The following CHAF1B variants were observed in gnomAD, a reference collection of about 807,000 sequenced individuals.
CHAF1B encodes CAF-1 subunit B.
In CHAF1B, 10 loss-of-function variants were observed where a neutral mutation model predicts 60.7. The observed-to-expected ratio is 0.16, with a 90% CI of 0.10 to 0.28. The LOEUF is 0.28. Ranked by LOEUF, CHAF1B falls within the 10% of genes least tolerant of loss-of-function variation. The probability of loss-of-function intolerance (pLI) is 1.00; values close to 1 mark genes in which losing one functional copy is unlikely to be tolerated. For synonymous variants in CHAF1B, 261 were observed against 266.1 expected (o/e 0.98, Z 0.19); for missense variants, 558 against 708.4 (o/e 0.79, Z 2.41).
At chr21:36,387,466 C>T in intron 2 of CHAF1B, 132 bp from the exon 3 acceptor site, 3 of 1,080,746 alleles carry the variant, frequency 2.8e-6, no homozygotes, top group Non-Finnish European at 2.7e-6. Context: ...AGTGATTTAC[C>T]CACCTTGGCC....
chr21:36,402,694 G>A, intron 7 of CHAF1B, 64 bp from the exon 8 acceptor site: 1 of 1,355,868 alleles, frequency 7.4e-7, no homozygotes, highest in Non-Finnish European at 1.0e-6. Context: ...TTGGAAAAAT[G>A]TTTAAGCTTT....
At chr21:36,391,739 C>G in intron 4 of CHAF1B, 71 bp downstream of exon 4, 1 of 956,590 alleles carries the variant, frequency 1.0e-6, no homozygotes, top group South Asian at 1.3e-5. Flanking sequence ...TACCTTTTGA[C>G]TTTTTTTTTC....
chr21:36,407,730 C>A (rs1388103079), intron 8 of CHAF1B, among the ~76,000 whole-genome samples: 1 of 152,116 alleles, frequency 6.6e-6, no homozygotes, highest in Non-Finnish European at 1.5e-5. Flanking sequence ...GTAATCCCAG[C>A]ACTTTGGGAG....
chr21:36,410,156 T>G (rs561729260), intron 10 of CHAF1B, among the ~76,000 whole-genome samples: 3 of 152,166 alleles, frequency 2.0e-5, no homozygotes, highest in African/African-American at 7.2e-5. Context: ...AGAGATGGGA[T>G]TTTGCCATGT....
chr21:36,407,192 C>T (rs170144), intron 8 of CHAF1B, among the ~76,000 whole-genome samples: 79,652 of 151,744 alleles, frequency 0.52, 23,023 homozygotes, highest in Non-Finnish European at 0.64. Flanking sequence ...ATCCCAGCTA[C>T]TCAAGAGCCT....
At chr21:36,399,456 G>A in intron 6 of CHAF1B, 65 bp from the exon 7 acceptor site, 2 of 1,410,134 alleles carry the variant, frequency 1.4e-6, no homozygotes, top group Admixed American at 3.5e-5. Context: ...TTGGTAATAA[G>A]TTGTTTCTGT....
At chr21:36,407,802 A>AC (rs1205925676) in intron 8 of CHAF1B, among the ~76,000 whole-genome samples, 2 of 151,796 alleles carry the variant, frequency 1.3e-5, no homozygotes, top group Non-Finnish European at 2.9e-5. Flanking sequence ...ACATGGTGAA[A>AC]CCCCCTCTCT....
intron 5 of CHAF1B, among the ~76,000 whole-genome samples, chr21:36,396,771 G>T (rs952918459): frequency 1.3e-5 from 2 of 151,860 alleles, no homozygotes; most frequent in Non-Finnish European, 2.9e-5. Flanking sequence ...ATCCCTGTTC[G>T]CATTGTCTGC....
In CHAF1B at chr21:36,394,660, A is replaced by G. The variant is rs1283019651; in HGVS notation, c.481+10A>G. The G allele has an allele frequency of 4.5e-6, 7 of 1,562,908 alleles. No individual in the cohort carries two copies. The highest frequency in any genetic ancestry group is 1.4e-5 in the African/African-American group (1 of 73,100). Reference sequence around the variant, plus strand: ...TGGGATGTCAGCAAAGGTAAATGATATATTTTTGTTATTAGCAGGAAGAAA... The same window carrying G: ...TGGGATGTCAGCAAAGGTAAATGATGTATTTTTGTTATTAGCAGGAAGAAA... On this transcript the variant is annotated intron_variant, in intron 5 of 13. Coordinates refer to ENST00000314103, the MANE Select transcript of CHAF1B (RefSeq NM_005441.3).
In CHAF1B at chr21:36,411,455, A is replaced by T; in HGVS notation, c.920-8A>T. 6.2e-7 allele frequency: 1 copy of T among 1,612,686 alleles called. No homozygotes were observed. Among genetic ancestry groups the T allele is most frequent in the East Asian group, 2.2e-5 (1 of 44,820 alleles). On this transcript the variant is annotated splice_region_variant and splice_polypyrimidine_tract_variant and intron_variant, in intron 10 of 13. Transcript: ENST00000314103. ...TGGTTTTACTTTGTCTCTGTCCCCA[A>T]CCCCCAGGTGTGGAGCTGATGAGTC...
chr21:36,416,185 C>T (rs1170478123), intron 13 of CHAF1B, 90 bp from the exon 14 acceptor site: 17 of 1,121,690 alleles, frequency 1.5e-5, no homozygotes, highest in Admixed American at 2.4e-5. Context: ...AGCTCAGTTC[C>T]GTGTCTTGGC....
chr21:36,415,171 AC>A, intron 12 of CHAF1B, 123 bp from the exon 13 acceptor site: 1 of 635,558 alleles, frequency 1.6e-6, no homozygotes, highest in Non-Finnish European at 2.8e-6. Context: ...AATGCCTTGA[AC>A]CAGAAGTTCA....
intron 7 of CHAF1B, 28 bp downstream of exon 7, chr21:36,399,633 A>G (rs988120393): frequency 1.9e-6 from 3 of 1,584,900 alleles, no homozygotes; most frequent in Non-Finnish European, 2.6e-6. Flanking sequence ...ATTCTTTTTC[A>G]GCAGCGCTTT....
In CHAF1B at chr21:36,402,752, C is replaced by T. The variant is rs751127310; in HGVS notation, c.664-6C>T. 14 of 1,603,930 alleles carry T rather than the reference C, an allele frequency of 8.7e-6. 1 individual carries two copies. In the Middle Eastern group the frequency reaches 5.0e-4, roughly 57 times the overall value. On this transcript the variant is annotated splice_polypyrimidine_tract_variant and splice_region_variant and intron_variant, in intron 7 of 13. Coordinates refer to ENST00000314103, the MANE Select transcript of CHAF1B (RefSeq NM_005441.3). ...AAATAATAAAAATAAATTTTGTGTG[C>T]GACAGGCAAGAAGCTACCGGATGTT...
intron 9 of CHAF1B, 49 bp downstream of exon 9, chr21:36,408,879 A>G (rs1399424613): frequency 7.3e-7 from 1 of 1,367,676 alleles, no homozygotes; most frequent in Non-Finnish European, 1.0e-6. Flanking sequence ...TTTTAGACGG[A>G]GTTTCGCTCT....
intron 11 of CHAF1B, 94 bp from the exon 12 acceptor site, chr21:36,412,790 A>G (rs2086287839): frequency 8.0e-7 from 1 of 1,246,294 alleles, no homozygotes; most frequent in Non-Finnish European, 1.1e-6. Flanking sequence ...TTTTGCCTTC[A>G]AACAAGCTTG....
intron 7 of CHAF1B, among the ~76,000 whole-genome samples, chr21:36,400,790 G>A (rs565650465): frequency 6.6e-6 from 1 of 152,284 alleles, no homozygotes; most frequent in South Asian, 2.1e-4. Context: ...CAAATAATTG[G>A]CAAATGAAAA....
At chr21:36,401,112 C>G (rs1026303352) in intron 7 of CHAF1B, among the ~76,000 whole-genome samples, 1 of 151,844 alleles carries the variant, frequency 6.6e-6, no homozygotes, top group Non-Finnish European at 1.5e-5. Flanking sequence ...ACTAGAAATA[C>G]AGAAATTTGC....
intron 6 of CHAF1B, among the ~76,000 whole-genome samples, chr21:36,398,947 ATGCCATTTATTTTCTG>A (rs2086164527): frequency 6.6e-6 from 1 of 152,164 alleles, no homozygotes; most frequent in Non-Finnish European, 1.5e-5. Flanking sequence ...TGTATTCTAA[ATGCCATTTATTTTCTG>A]ACAAGTGTGT....
Sources: allele counts gnomAD v4.1 joint callset (sites outside exome capture counted in the v4.1 genomes callset), GRCh38; gene constraint gnomAD v4.1.1; transcripts MANE v1.5; gene names NCBI Gene and HGNC (gene_info 2026-07-23, HGNC 2026-07-21).